INTS6: variants seen among roughly 807,000 people sequenced by gnomAD.
INTS6 encodes the protein DEAD box protein.
In INTS6, 16 loss-of-function variants were observed where a neutral mutation model predicts 104.9. The observed-to-expected ratio is 0.15, with a 90% CI of 0.10 to 0.23. The LOEUF is 0.23. Ranked by LOEUF, INTS6 falls within the 10% of genes least tolerant of loss-of-function variation. INTS6 has a pLI of 1.00. For missense variants in INTS6, 584 were observed against 1,062.8 expected (o/e 0.55, Z 6.26); for synonymous variants, 324 against 358.7 (o/e 0.90, Z 1.09).
chr13:51,417,936 G>C (rs1956822515), intron 4 of INTS6, among the ~76,000 whole-genome samples: 2 of 152,064 alleles, frequency 1.3e-5, no homozygotes, highest in South Asian at 4.1e-4. Flanking sequence ...AGTGTAAAGA[G>C]CAATGGACCT....
chr13:51,377,101 G>C (rs943795977), intron 12 of INTS6, among the ~76,000 whole-genome samples: 7 of 152,012 alleles, frequency 4.6e-5, no homozygotes, highest in African/African-American at 1.4e-4. Context: ...GTAGTATCTC[G>C]TTATGGTTTT....
At chr13:51,433,614 C>T (rs905208473) in intron 3 of INTS6, among the ~76,000 whole-genome samples, 7 of 152,034 alleles carry the variant, frequency 4.6e-5, no homozygotes, top group East Asian at 3.9e-4. Flanking sequence ...GACATCCACC[C>T]GAAAGGTAAT....
rs1443147501 is a variant in INTS6, at chr13:51,364,234, G to T, written c.*1518C>A. 2.1e-5 allele frequency: 30 copies of T among 1,420,324 alleles called. No homozygotes were observed. The highest frequency in any genetic ancestry group is 2.7e-5 in the Non-Finnish European group (28 of 1,056,466). The allele number at this position is 1,420,324 out of a possible 1,614,324, so 88.0% of individuals were successfully genotyped here. ...ATAATATTAAATTCTTCTTTTTCTT[G>T]ACAGGGTTTGTCTTCAGTATTGGGA... On this transcript the variant is annotated 3_prime_UTR_variant, in exon 18 of 18. Coordinates refer to ENST00000311234, the MANE Select transcript of INTS6 (RefSeq NM_012141.3).
chr13:51,361,242 T>C (rs747740575), downstream of INTS6: 4 of 1,367,342 alleles, frequency 2.9e-6, no homozygotes, highest in Non-Finnish European at 4.1e-6. Flanking sequence ...AAAATGTTAA[T>C]GAGCAACTCA....
intron 3 of INTS6, chr13:51,355,228 A>AGCCTTCAGT: frequency 1.5e-5 from 8 of 520,586 alleles, no homozygotes; most frequent in Non-Finnish European, 2.7e-5. Context: ...CTCATTTCAG[A>AGCCTTCAGT]GTCAACATTA....
chr13:51,343,109 T>C, the INTS6 span, among the ~76,000 whole-genome samples: 1 of 152,180 alleles, frequency 6.6e-6, no homozygotes, highest in Non-Finnish European at 1.5e-5. Flanking sequence ...TGCTGCCTCC[T>C]GGCTTGGCTT....
At chr13:51,382,623 A>G (rs1174023441) in intron 9 of INTS6, among the ~76,000 whole-genome samples, 1 of 152,234 alleles carries the variant, frequency 6.6e-6, no homozygotes, top group Non-Finnish European at 1.5e-5. Context: ...AATGAAAATT[A>G]AAGTGTAGAT....
Position 51,363,276 on chromosome 13 carries a change from TAAGGA to T in INTS6, c.*2471_*2475del. Reference sequence around the variant, plus strand: ...TGCCTCAGTAATCAGAATGAAAATATAAGGATAATCCAAAACCAGTTCCACAATCC... The same window carrying T: ...TGCCTCAGTAATCAGAATGAAAATATTAATCCAAAACCAGTTCCACAATCC... On this transcript the variant is annotated 3_prime_UTR_variant, in exon 18 of 18. Transcript: ENST00000311234. 2.0e-5 allele frequency: 3 copies of T among 151,934 alleles called. No individual in the cohort carries two copies. The highest frequency in any genetic ancestry group is 2.9e-5 in the Non-Finnish European group (2 of 67,874). 9.4% of individuals were successfully genotyped at this position (151,934 alleles called of 1,614,324 possible).
At chr13:51,346,039 T>C in the INTS6 span, among the ~76,000 whole-genome samples, 1 of 152,232 alleles carries the variant, frequency 6.6e-6, no homozygotes, top group Admixed American at 6.5e-5. Context: ...CCAACTTCTC[T>C]GAGCCTCAGT....
rs1272977323 is a variant in INTS6 at position 51,369,203 on chromosome 13, C to T, written c.2212G>A (p.Ala738Thr). 30 of 1,613,788 alleles carry T rather than the reference C, an allele frequency of 1.9e-5. No individual in the cohort carries two copies. The highest frequency in any genetic ancestry group is 2.4e-5 in the Non-Finnish European group (28 of 1,179,844). ...TPNAMDTEFS[A>T]SSPASLLERP... ...TCCAGTAAACTGGCTGGAGAAGATG[C>T]TGAAAATTCCGTATCCATAGCATTT... Residue 738 changes from alanine (A) to threonine (T), a missense_variant, in exon 16 of 18, where the codon GCA becomes ACA. Around this residue, in one of 5 missense-constraint regions of INTS6, gnomAD observed 296 missense variants for 437.0 expected, o/e 0.68. Coordinates refer to ENST00000311234, the MANE Select transcript of INTS6 (RefSeq NM_012141.3).
At chr13:51,343,821 T>C in the INTS6 span, among the ~76,000 whole-genome samples, 569 of 152,344 alleles carry the variant, frequency 3.7e-3, 3 homozygotes, top group Non-Finnish European at 6.8e-3. Flanking sequence ...CTCCCATCAT[T>C]GTCACTGTAA....
intron 3 of INTS6, chr13:51,446,354 A>T (rs1593780337): frequency 6.6e-6 from 1 of 152,252 alleles, no homozygotes; most frequent in Admixed American, 6.5e-5. Flanking sequence ...AACCACAATG[A>T]GATACGACCT....
chr13:51,356,776 C>T (rs983553322), downstream of INTS6, among the ~76,000 whole-genome samples: 2 of 126,092 alleles, frequency 1.6e-5, no homozygotes, highest in Admixed American at 8.5e-5. Context: ...TTTTTTGATA[C>T]GAAACCTTTT....
At chr13:51,379,039 C>G (rs1270888031) in intron 11 of INTS6, among the ~76,000 whole-genome samples, 1 of 151,860 alleles carries the variant, frequency 6.6e-6, no homozygotes, top group Non-Finnish European at 1.5e-5. Flanking sequence ...ATTAATGTGA[C>G]TTATGGCCAG....
intron 13 of INTS6, among the ~76,000 whole-genome samples, chr13:51,375,134 C>A (rs1955892428): frequency 6.6e-6 from 1 of 151,870 alleles, no homozygotes; most frequent in Admixed American, 6.6e-5. Flanking sequence ...ACATCCGGAT[C>A]ACTTGAGGTA....
intron 4 of INTS6, among the ~76,000 whole-genome samples, chr13:51,404,324 CTCCACCCCAACACACATA>C (rs1174817790): frequency 6.6e-6 from 1 of 151,106 alleles, no homozygotes; most frequent in Admixed American, 6.6e-5. Flanking sequence ...ACTGTGCTCC[CTCCACCCCAACACACATA>C]GATACAAAGT....
At chr13:51,355,110 G>T in intron 3 of INTS6, 1 of 1,547,392 alleles carries the variant, frequency 6.5e-7, no homozygotes, top group Non-Finnish European at 8.8e-7. Context: ...CGATCTTTTT[G>T]ATCCACTCAA....
downstream of INTS6, among the ~76,000 whole-genome samples, chr13:51,358,160 T>G (rs999111068): frequency 6.6e-6 from 1 of 152,084 alleles, no homozygotes; most frequent in Non-Finnish European, 1.5e-5. Flanking sequence ...TGCTATGTGT[T>G]TCTCTCTCTA....
At chr13:51,416,727 G>T (rs146230818) in intron 4 of INTS6, among the ~76,000 whole-genome samples, 89 of 152,026 alleles carry the variant, frequency 5.9e-4, no homozygotes, top group African/African-American at 2.0e-3. Context: ...ATTTCTTTAG[G>T]TATATACCCC....
Sources: gnomAD v4.1 joint callset for allele counts (sites outside exome capture counted in the v4.1 genomes callset) on GRCh38, gnomAD v4.1.1 for gene constraint, gnomAD v4.1.1 regional missense constraint, MANE v1.5 for transcripts, NCBI Gene and HGNC (gene_info 2026-07-23, HGNC 2026-07-21) for gene names.